Variants in PCDH9 observed in about 807,000 individuals in gnomAD.
PCDH9 encodes protocadherin 9.
In PCDH9, 24 loss-of-function variants were observed where a neutral mutation model predicts 70.6. The observed-to-expected ratio is 0.34, with a 90% CI of 0.25 to 0.48. The LOEUF (loss-of-function observed/expected upper bound fraction) is 0.48, where lower values mean the gene tolerates loss of function less well. PCDH9 is among the 20% of genes least tolerant of loss of function. The pLI is 0.99. For missense variants in PCDH9, 1,281 were observed against 1,503.6 expected (o/e 0.85, Z 2.45); for synonymous variants, 562 against 558.5 (o/e 1.01, Z -0.09).
chr13:67,006,798 G>C (rs990074007), intron 2 of PCDH9, among the ~76,000 whole-genome samples: 1 of 151,842 alleles, frequency 6.6e-6, no homozygotes, highest in Non-Finnish European at 1.5e-5. Context: ...TAGCTATATA[G>C]TATTTATTTC....
chr13:66,528,872 G>T (rs961285581), intron 4 of PCDH9, among the ~76,000 whole-genome samples: 1 of 151,980 alleles, frequency 6.6e-6, no homozygotes, highest in African/African-American at 2.4e-5. Flanking sequence ...GGATAGGTTT[G>T]TAAGAATGAA....
chr13:66,623,668 G>T (rs957420210), intron 4 of PCDH9, among the ~76,000 whole-genome samples: 1 of 152,068 alleles, frequency 6.6e-6, no homozygotes, highest in Non-Finnish European at 1.5e-5. Context: ...TCCAACTCCT[G>T]GCTTCAAGTT....
chr13:67,083,476 C>T (rs184891115), intron 2 of PCDH9, among the ~76,000 whole-genome samples: 347 of 152,264 alleles, frequency 2.3e-3, no homozygotes, highest in African/African-American at 7.8e-3. Context: ...AGAAATATGA[C>T]TCTTTAATGT....
chr13:67,185,250 T>C (rs61604738), intron 2 of PCDH9, among the ~76,000 whole-genome samples: 2,120 of 152,362 alleles, frequency 0.014, 52 homozygotes, highest in African/African-American at 0.048. Flanking sequence ...TTTACTCTCA[T>C]TGCTTAATTT....
chr13:66,683,123 G>A (rs2078350933), intron 3 of PCDH9, among the ~76,000 whole-genome samples: 1 of 152,130 alleles, frequency 6.6e-6, no homozygotes, highest in Admixed American at 6.6e-5. Context: ...GACACCCAAG[G>A]TGAGTGGCTT....
intron 2 of PCDH9, among the ~76,000 whole-genome samples, chr13:67,023,860 C>A (rs2084727418): frequency 6.6e-6 from 1 of 151,838 alleles, no homozygotes. Flanking sequence ...AGTGAAAAGT[C>A]TATCAGAAAG....
intron 3 of PCDH9, among the ~76,000 whole-genome samples, chr13:66,690,217 GT>G (rs1167928908): frequency 2.6e-5 from 4 of 151,702 alleles, no homozygotes; most frequent in East Asian, 3.9e-4. Context: ...GAGTAATGCA[GT>G]TTTTTTTGCA....
chr13:66,900,890 G>GA (rs953329452), intron 3 of PCDH9, among the ~76,000 whole-genome samples: 3 of 151,488 alleles, frequency 2.0e-5, no homozygotes, highest in Non-Finnish European at 4.4e-5. Context: ...TAAAAATTAG[G>GA]AAAATACCTG....
intron 3 of PCDH9, among the ~76,000 whole-genome samples, chr13:66,752,189 G>C (rs184580057): frequency 1.1e-3 from 174 of 152,272 alleles, no homozygotes; most frequent in African/African-American, 4.0e-3. Context: ...AATAGAGTAA[G>C]TAAGAAAGAG....
At chr13:66,774,053 C>T (rs1241409367) in intron 3 of PCDH9, among the ~76,000 whole-genome samples, 1 of 152,172 alleles carries the variant, frequency 6.6e-6, no homozygotes, top group African/African-American at 2.4e-5. Flanking sequence ...GCTGGGATTA[C>T]AGGTATGAGC....
intron 3 of PCDH9, among the ~76,000 whole-genome samples, chr13:66,687,067 G>A (rs542461410): frequency 6.6e-5 from 10 of 152,082 alleles, no homozygotes; most frequent in Admixed American, 2.0e-4. Context: ...TAAACTACAA[G>A]TGACTCATAA....
intron 4 of PCDH9, among the ~76,000 whole-genome samples, chr13:66,499,704 T>A (rs1959166783): frequency 6.6e-6 from 1 of 152,226 alleles, no homozygotes; most frequent in Non-Finnish European, 1.5e-5. Context: ...TCAACTGATA[T>A]AGGTTGAATG....
intron 4 of PCDH9, among the ~76,000 whole-genome samples, chr13:66,391,205 A>G (rs1311337545): frequency 6.6e-6 from 1 of 152,226 alleles, no homozygotes; most frequent in Non-Finnish European, 1.5e-5. Context: ...AACGTCCAAT[A>G]GTAACCACAA....
At chr13:66,537,947 C>T (rs1960777873) in intron 4 of PCDH9, among the ~76,000 whole-genome samples, 1 of 152,034 alleles carries the variant, frequency 6.6e-6, no homozygotes, top group African/African-American at 2.4e-5. Flanking sequence ...AATCAGTTTA[C>T]TTTTCCTTTT....
chr13:66,848,889 C>T (rs1388148019), intron 3 of PCDH9, among the ~76,000 whole-genome samples: 4 of 147,284 alleles, frequency 2.7e-5, no homozygotes, highest in Admixed American at 1.4e-4. Context: ...GATCGCACCA[C>T]CGCACTCCAG....
chr13:66,746,272 T>A (rs573566938), intron 3 of PCDH9, among the ~76,000 whole-genome samples: 1 of 152,332 alleles, frequency 6.6e-6, no homozygotes, highest in African/African-American at 2.4e-5. Flanking sequence ...TGAAAGTGTG[T>A]TTTAACTGAG....
chr13:67,024,528 T>C (rs2084741532), intron 2 of PCDH9, among the ~76,000 whole-genome samples: 1 of 152,160 alleles, frequency 6.6e-6, no homozygotes, highest in African/African-American at 2.4e-5. Context: ...CTATAATTTA[T>C]GCTGTTGAGG....
chr13:67,152,784 C>T (rs997416324), intron 2 of PCDH9, among the ~76,000 whole-genome samples: 6 of 152,078 alleles, frequency 3.9e-5, no homozygotes, highest in African/African-American at 7.2e-5. Flanking sequence ...TTTGGGCAAA[C>T]CTCTTTAAAA....
At chr13:66,933,872 T>C (rs1305035193) in intron 2 of PCDH9, among the ~76,000 whole-genome samples, 1 of 146,088 alleles carries the variant, frequency 6.8e-6, no homozygotes, top group East Asian at 2.0e-4. Context: ...TCCAAAAATT[T>C]TATAAAAACA....
Sources: allele counts gnomAD v4.1 joint callset (sites outside exome capture counted in the v4.1 genomes callset), GRCh38; gene constraint gnomAD v4.1.1; transcripts MANE v1.5; gene names NCBI Gene and HGNC (gene_info 2026-07-23, HGNC 2026-07-21).